C1QTNF3: variants seen among roughly 807,000 people sequenced by gnomAD.
C1QTNF3 encodes the protein C1q and TNF related 3, also known as complement C1q tumor necrosis factor-related protein 3.
Under a neutral mutation model 32.6 loss-of-function variants are expected in C1QTNF3, and 26 were observed. The observed-to-expected ratio is 0.80, with a 90% CI of 0.58 to 1.11. The LOEUF (loss-of-function observed/expected upper bound fraction) is 1.11. C1QTNF3 is among the 50% of genes least tolerant of loss of function. The pLI is 0.00. For missense variants in C1QTNF3, 362 were observed against 398.2 expected, an observed-to-expected ratio of 0.91 and a Z score of 0.77; for synonymous variants, 155 against 146.0, an observed-to-expected ratio of 1.06 and a Z score of -0.44.
the C1QTNF3 span, among the ~76,000 whole-genome samples, chr5:34,186,035 T>C: frequency 2.2e-3 from 333 of 152,180 alleles, no homozygotes; most frequent in African/African-American, 7.6e-3. Context: ...CCTCCCTATA[T>C]CTAAAACCTT....
At chr5:34,195,312 A>G in the C1QTNF3 span, among the ~76,000 whole-genome samples, 1 of 144,484 alleles carries the variant, frequency 6.9e-6, no homozygotes, top group Non-Finnish European at 1.5e-5. Flanking sequence ...TCTGGTAGGA[A>G]TATATATAAT....
the C1QTNF3 span, among the ~76,000 whole-genome samples, chr5:34,050,236 C>A: frequency 2.0e-5 from 3 of 152,188 alleles, no homozygotes; most frequent in African/African-American, 7.2e-5. Flanking sequence ...GACCTCTCCA[C>A]CCCAGTTAGC....
chr5:34,211,788 T>A, the C1QTNF3 span, among the ~76,000 whole-genome samples: 2 of 152,018 alleles, frequency 1.3e-5, no homozygotes, highest in African/African-American at 2.4e-5. Context: ...ATCCAGTCTA[T>A]CACTGTTGGA....
At chr5:34,154,159 AAGT>A in the C1QTNF3 span, among the ~76,000 whole-genome samples, 3 of 152,120 alleles carry the variant, frequency 2.0e-5, no homozygotes, top group African/African-American at 7.2e-5. Flanking sequence ...ATTTATTGTG[AAGT>A]AGTAGTAATC....
rs1754674279 is a variant in C1QTNF3, at chr5:34,033,847, T to G, written c.416-389A>C. Among the ~76,000 whole-genome samples, 4 of 152,234 alleles carry G rather than the reference T, an allele frequency of 2.6e-5. No individual in the cohort carries two copies. In the South Asian group the frequency reaches 6.2e-4, roughly 24 times the overall value. ...AAAAACATTTAATGATATAGTGATA[T>G]TCATGATATTTTTAGATTTTAAAGT... On this transcript the variant is annotated intron_variant, in intron 2 of 5. Coordinates refer to ENST00000382065, the MANE Select transcript of C1QTNF3 (RefSeq NM_181435.6).
chr5:34,121,699 G>T, the C1QTNF3 span, among the ~76,000 whole-genome samples: 3 of 152,148 alleles, frequency 2.0e-5, no homozygotes, highest in Admixed American at 2.0e-4. Context: ...TTAGAAAAAT[G>T]ATATTTTACC....
At chr5:34,170,560 A>G in the C1QTNF3 span, among the ~76,000 whole-genome samples, 3 of 152,148 alleles carry the variant, frequency 2.0e-5, no homozygotes, top group African/African-American at 7.2e-5. Context: ...TAAACTCATT[A>G]AAGTATACAA....
chr5:34,077,366 G>A, the C1QTNF3 span, among the ~76,000 whole-genome samples: 1 of 151,400 alleles, frequency 6.6e-6, no homozygotes, highest in Admixed American at 6.6e-5. Flanking sequence ...TTACTAAATT[G>A]TTGATTTTCA....
chr5:34,115,212 G>A, the C1QTNF3 span, among the ~76,000 whole-genome samples: 1 of 151,972 alleles, frequency 6.6e-6, no homozygotes, highest in Non-Finnish European at 1.5e-5. Context: ...GTTTCACCTT[G>A]TTGCTGTTTC....
chr5:34,229,792 A>G, the C1QTNF3 span, among the ~76,000 whole-genome samples: 1 of 152,198 alleles, frequency 6.6e-6, no homozygotes, highest in East Asian at 1.9e-4. Context: ...TAATATTTTC[A>G]ATAATCTATT....
At chr5:34,079,340 GA>G in the C1QTNF3 span, among the ~76,000 whole-genome samples, 2 of 151,546 alleles carry the variant, frequency 1.3e-5, no homozygotes, top group Non-Finnish European at 2.9e-5. Context: ...TAAAAGTGAA[GA>G]GGGGGGACTG....
chr5:34,224,902 A>C, the C1QTNF3 span, among the ~76,000 whole-genome samples: 3 of 152,182 alleles, frequency 2.0e-5, no homozygotes, highest in Non-Finnish European at 4.4e-5. Flanking sequence ...CAATCTACTC[A>C]TCTGACAAAG....
chr5:34,028,723 A>G, intron 4 of C1QTNF3, 31 bp downstream of exon 4: 1 of 1,579,372 alleles, frequency 6.3e-7, no homozygotes, highest in Non-Finnish European at 8.6e-7. Flanking sequence ...ACATTGATTA[A>G]CTCAATCTTC....
At chr5:34,039,731 G>A (rs1170370581) in intron 1 of C1QTNF3, among the ~76,000 whole-genome samples, 8 of 152,294 alleles carry the variant, frequency 5.3e-5, no homozygotes, top group Non-Finnish European at 1.5e-5. Context: ...TTCCACTACA[G>A]TCGTCTCGCA....
At chr5:34,056,489 G>T in the C1QTNF3 span, among the ~76,000 whole-genome samples, 8,022 of 70,346 alleles carry the variant, frequency 0.11, 102 homozygotes, top group Non-Finnish European at 0.15. Flanking sequence ...TAGAGAGAGA[G>T]AGAGAGAGAG....
the C1QTNF3 span, among the ~76,000 whole-genome samples, chr5:34,181,738 G>A: frequency 3.3e-5 from 5 of 152,184 alleles, no homozygotes; most frequent in Admixed American, 2.6e-4. Flanking sequence ...AGGTGTGAGC[G>A]CCCCGACAGC....
chr5:34,052,689 T>C, the C1QTNF3 span, among the ~76,000 whole-genome samples: 1 of 152,326 alleles, frequency 6.6e-6, no homozygotes, highest in East Asian at 1.9e-4. Context: ...ACTTTCTTCC[T>C]AGCACAGTGC....
the C1QTNF3 span, among the ~76,000 whole-genome samples, chr5:34,115,259 TTA>T: frequency 1.7e-4 from 26 of 152,326 alleles, no homozygotes; most frequent in African/African-American, 5.8e-4. Context: ...GATTTAAAAA[TTA>T]TATCTTCATA....
chr5:34,022,695 G>A (rs960233227), intron 5 of C1QTNF3, among the ~76,000 whole-genome samples: 1 of 152,110 alleles, frequency 6.6e-6, no homozygotes, highest in African/African-American at 2.4e-5. Context: ...TGCATTTGTT[G>A]GGTGGAAAAC....
Sources: allele counts gnomAD v4.1 joint callset (sites outside exome capture counted in the v4.1 genomes callset), GRCh38; gene constraint gnomAD v4.1.1; transcripts MANE v1.5; gene names NCBI Gene and HGNC (gene_info 2026-07-23, HGNC 2026-07-21).